Variants in SLC9B2 observed in about 807,000 individuals in gnomAD.
SLC9B2 encodes the protein solute carrier family 9 member B2.
In SLC9B2, 39 loss-of-function variants were observed where a neutral mutation model predicts 52.2. The ratio of observed to expected loss-of-function variants is 0.75; its 90% CI spans 0.58 to 0.98. The LOEUF (loss-of-function observed/expected upper bound fraction) is 0.98, where lower values mean the gene tolerates loss of function less well. SLC9B2 is among the 50% of genes least tolerant of loss of function. The pLI is 0.00. For missense variants in SLC9B2, 626 were observed against 637.5 expected (o/e 0.98, Z 0.19); for synonymous variants, 214 against 227.0 (o/e 0.94, Z 0.51).
In SLC9B2 at chr4:103,047,043, T is replaced by C. The variant is rs756564726; in HGVS notation, c.889+8A>G. Reference sequence around the variant, plus strand: ...AGAGTAAAGCCTGTTGTGAACTGATTAGGTTACCTGTGGAAAAGGCTATGC... The same window carrying C: ...AGAGTAAAGCCTGTTGTGAACTGATCAGGTTACCTGTGGAAAAGGCTATGC... On this transcript the variant is annotated splice_region_variant and intron_variant, in intron 7 of 11. Transcript: ENST00000394785. 1.2e-6 allele frequency: 2 copies of C among 1,613,602 alleles called. No homozygotes were observed. Among genetic ancestry groups the C allele is most frequent in the Non-Finnish European group, 1.7e-6 (2 of 1,179,664 alleles).
At chr4:103,043,632 T>C (rs917811264) in intron 8 of SLC9B2, among the ~76,000 whole-genome samples, 187 bp from the exon 9 acceptor site, 1 of 152,218 alleles carries the variant, frequency 6.6e-6, no homozygotes, top group African/African-American at 2.4e-5. Context: ...CACACTGCAA[T>C]GGTGAGCTCT....
chr4:103,048,538 T>C (rs1378329152), intron 6 of SLC9B2: 1 of 162,588 alleles, frequency 6.2e-6, no homozygotes, highest in Non-Finnish European at 1.3e-5. Context: ...CAAGTCATAA[T>C]AGTCTGGTGA....
intron 9 of SLC9B2, among the ~76,000 whole-genome samples, chr4:103,034,958 C>T (rs1419009022): frequency 1.3e-5 from 2 of 152,034 alleles, no homozygotes; most frequent in Non-Finnish European, 2.9e-5. Context: ...CATAATTGTA[C>T]ATCTTTTGAT....
intron 11 of SLC9B2, among the ~76,000 whole-genome samples, chr4:103,026,939 C>G (rs983441311): frequency 1.3e-5 from 2 of 152,080 alleles, no homozygotes; most frequent in Admixed American, 6.5e-5. Flanking sequence ...GACAGGGTCT[C>G]GCTGTGTTGC....
rs141334144 is a variant in SLC9B2 at position 103,033,397 on chromosome 4, A to G, written c.1147-1589T>C. Among the ~76,000 whole-genome samples, 24 of 152,272 alleles carry G rather than the reference A, an allele frequency of 1.6e-4. 1 individual carries two copies. Among genetic ancestry groups the G allele is most frequent in the East Asian group, 1.2e-3 (6 of 5,176 alleles). On this transcript the variant is annotated intron_variant, in intron 9 of 11. Transcript: ENST00000394785. ...AAGGATGCCCACTTTCACCACTCCTATTTAACCGGAGTACTGGAAGTCCTA... is the reference window on the plus strand; with the variant it reads ...AAGGATGCCCACTTTCACCACTCCTGTTTAACCGGAGTACTGGAAGTCCTA...
intron 10 of SLC9B2, among the ~76,000 whole-genome samples, chr4:103,029,153 T>C (rs1742478046): frequency 6.6e-6 from 1 of 152,176 alleles, no homozygotes; most frequent in Non-Finnish European, 1.5e-5. Flanking sequence ...ATATATGTCT[T>C]ATGCTTTATA....
chr4:103,043,973 A>G (rs1002567920), intron 8 of SLC9B2, among the ~76,000 whole-genome samples: 1 of 152,176 alleles, frequency 6.6e-6, no homozygotes, highest in Non-Finnish European at 1.5e-5. Context: ...AAGAGGTTCT[A>G]GACTGACAGT....
downstream of SLC9B2, chr4:103,019,683 G>A: frequency 1.0e-6 from 1 of 985,534 alleles, no homozygotes; most frequent in Non-Finnish European, 1.2e-6. Context: ...CCACCCAGGT[G>A]GGCAGGGTGG....
downstream of SLC9B2, chr4:103,019,655 C>T (rs1741650031): frequency 4.1e-6 from 4 of 985,354 alleles, no homozygotes; most frequent in Admixed American, 1.2e-4. Flanking sequence ...GCCCAGTGAC[C>T]GTTGCGTAAG....
intron 3 of SLC9B2, among the ~76,000 whole-genome samples, chr4:103,062,697 G>A (rs113930758): frequency 0.019 from 2,868 of 151,998 alleles, 42 homozygotes; most frequent in Non-Finnish European, 0.024. Flanking sequence ...CTCAACCTCC[G>A]CCTCCCAGGT....
chr4:103,066,624 T>C (rs1030276551), intron 2 of SLC9B2, 117 bp from the exon 3 acceptor site: 2 of 986,816 alleles, frequency 2.0e-6, no homozygotes, highest in Admixed American at 5.9e-5. Flanking sequence ...AGGATAACAC[T>C]TTGTAGAAAA....
rs144414901 is a variant in SLC9B2, at chr4:103,068,346, A to T, written c.-42-754T>A. 7.7e-4 allele frequency among the ~76,000 whole-genome samples: 117 copies of T among 152,296 alleles called. 1 individual carries two copies. Among genetic ancestry groups the T allele is most frequent in the African/African-American group, 2.6e-3 (107 of 41,570 alleles). ...AAATACAGCACTCCAGTTCCTAGCCACTTTTGTAGGTAGAGGTGGCCATGT... is the reference window on the plus strand; with the variant it reads ...AAATACAGCACTCCAGTTCCTAGCCTCTTTTGTAGGTAGAGGTGGCCATGT... On this transcript the variant is annotated intron_variant, in intron 1 of 11. Coordinates refer to ENST00000394785, the MANE Select transcript of SLC9B2 (RefSeq NM_178833.7).
Position 103,073,856 on chromosome 4 carries a change from A to T in SLC9B2, c.-43+2328T>A, listed in dbSNP as rs140070417. Among the ~76,000 whole-genome samples, 528 of 152,346 alleles carry T rather than the reference A, an allele frequency of 3.5e-3. 1 individual carries two copies. Among genetic ancestry groups the T allele is most frequent in the Middle Eastern group, 0.02 (6 of 294 alleles). On this transcript the variant is annotated intron_variant, in intron 1 of 11. Transcript: ENST00000394785. Reference sequence around the variant, plus strand: ...CGAATCTACCCCAAGTGGGACAGACATGACTTATGGCCTGTCTAAATGCCA... The same window carrying T: ...CGAATCTACCCCAAGTGGGACAGACTTGACTTATGGCCTGTCTAAATGCCA...
downstream of SLC9B2, chr4:103,020,409 C>T (rs199919777): frequency 2.4e-6 from 1 of 420,460 alleles, no homozygotes; most frequent in Non-Finnish European, 4.6e-6. Flanking sequence ...ACAAAAACAA[C>T]TGTTATTGGA....
chr4:103,057,772 G>A lies in SLC9B2; in HGVS notation c.442+29C>T, dbSNP rs887423620. 5.0e-6 allele frequency: 8 copies of A among 1,596,738 alleles called. No homozygotes were observed. In the Admixed American group the frequency reaches 1.3e-4, roughly 25 times the overall value. ...TTATCTTAAAAATATAGTTTACTCT[G>A]GATAGAACAGGAAACATTTAGCACT... On this transcript the variant is annotated intron_variant, in intron 4 of 11. Coordinates refer to ENST00000394785, the MANE Select transcript of SLC9B2 (RefSeq NM_178833.7).
chr4:103,063,966 A>T (rs1745881477), intron 3 of SLC9B2, among the ~76,000 whole-genome samples: 1 of 152,234 alleles, frequency 6.6e-6, no homozygotes, highest in Admixed American at 6.5e-5. Context: ...GCCTGTCAGG[A>T]TGGCTATTAT....
At chr4:103,021,909 C>A (rs1741818954), downstream of SLC9B2, among the ~76,000 whole-genome samples, 1 of 152,236 alleles carries the variant, frequency 6.6e-6, no homozygotes, top group Non-Finnish European at 1.5e-5. Flanking sequence ...CCCCATCCAT[C>A]CAGATCCTCT....
At chr4:103,041,329 G>C (rs542910828) in intron 9 of SLC9B2, among the ~76,000 whole-genome samples, 10 of 152,268 alleles carry the variant, frequency 6.6e-5, no homozygotes, top group African/African-American at 2.4e-4. Flanking sequence ...AATGTTAATA[G>C]TTATCTTTCT....
intron 1 of SLC9B2, among the ~76,000 whole-genome samples, chr4:103,070,251 T>G (rs920714855): frequency 1.2e-4 from 19 of 152,222 alleles, no homozygotes; most frequent in African/African-American, 4.6e-4. Context: ...TTCAAAAATG[T>G]TAGCTTTACT....
Sources: allele counts gnomAD v4.1 joint callset (sites outside exome capture counted in the v4.1 genomes callset), GRCh38; gene constraint gnomAD v4.1.1; transcripts MANE v1.5; gene names NCBI Gene and HGNC (gene_info 2026-07-23, HGNC 2026-07-21).